The following ARFGAP3 variants were observed in gnomAD, a reference collection of about 807,000 sequenced individuals.
The protein encoded by ARFGAP3 is ARF GTPase activating protein 3.
A neutral mutation model predicts 75.0 loss-of-function variants in ARFGAP3; 72 were observed. The ratio of observed to expected loss-of-function variants is 0.96; its 90% CI spans 0.79 to 1.17. The LOEUF (loss-of-function observed/expected upper bound fraction) is 1.17. Ranked by LOEUF, ARFGAP3 falls within the 50% of genes most tolerant of loss-of-function variation. The pLI, the probability that ARFGAP3 is intolerant of heterozygous loss-of-function variation, is 0.00. For missense variants in ARFGAP3, 620 were observed against 626.6 expected (o/e 0.99, Z 0.11); for synonymous variants, 221 against 217.9 (o/e 1.01, Z -0.13).
intron 1 of ARFGAP3, among the ~76,000 whole-genome samples, chr22:42,850,237 T>G (rs1927215888): frequency 6.6e-6 from 1 of 151,992 alleles, no homozygotes; most frequent in Non-Finnish European, 1.5e-5. Context: ...ATTCCTCTAA[T>G]AGAGGTGTTT....
At chr22:42,807,216 T>A in intron 13 of ARFGAP3, 53 bp from the exon 14 acceptor site, 6 of 1,549,026 alleles carry the variant, frequency 3.9e-6, no homozygotes, top group Non-Finnish European at 5.2e-6. Context: ...GTGGGCAGTT[T>A]TGCAAAAAGA....
At chr22:42,812,344 G>C (rs1315724860) in intron 11 of ARFGAP3, among the ~76,000 whole-genome samples, 1 of 152,110 alleles carries the variant, frequency 6.6e-6, no homozygotes, top group Non-Finnish European at 1.5e-5. Context: ...AAGTTCAGAG[G>C]AGAGAGGCAG....
intron 6 of ARFGAP3, among the ~76,000 whole-genome samples, chr22:42,831,101 A>G (rs1926263090): frequency 2.0e-5 from 3 of 151,834 alleles, no homozygotes; most frequent in African/African-American, 7.3e-5. Context: ...GGAGTTCGAG[A>G]TCAGCATGGC....
chr22:42,834,440 C>T (rs1926433008), intron 4 of ARFGAP3, 115 bp from the exon 5 acceptor site: 1 of 1,494,330 alleles, frequency 6.7e-7, no homozygotes, highest in Non-Finnish European at 8.9e-7. Context: ...GCTTTCCATT[C>T]TTATAAAATC....
chr22:42,826,903 C>G (rs1926063136), intron 7 of ARFGAP3, 37 bp downstream of exon 7: 1 of 1,588,360 alleles, frequency 6.3e-7, no homozygotes, highest in African/African-American at 1.3e-5. Flanking sequence ...ATGAGTCATA[C>G]ACTTTAAATC....
chr22:42,802,433 C>T (rs1175724559), intron 14 of ARFGAP3, among the ~76,000 whole-genome samples: 1 of 150,440 alleles, frequency 6.6e-6, no homozygotes, highest in Non-Finnish European at 1.5e-5. Context: ...CTACAGGTGC[C>T]CGCCACCACG....
In ARFGAP3 at chr22:42,817,147, G is replaced by A. The variant is rs749457873; in HGVS notation, c.1059C>T (p.Ser353=). The stretch of plus-strand genomic sequence containing the variant: ...GATGATTTGTAATACAGTACCTTGA[G>A]CTGGAAGTAAAATATGAATCGTCAC... ...DDSDDSYFTS[S]SSYFDEPVEL... is the part of the protein sequence containing the mutation. The change falls in exon 11 of 16, where the codon AGC becomes AGT. Residue 353 remains serine (S), a synonymous_variant. Coordinates refer to ENST00000263245, the MANE Select transcript of ARFGAP3 (RefSeq NM_014570.5). 7 of 1,605,908 alleles carry A rather than the reference G, an allele frequency of 4.4e-6. No individual in the cohort carries two copies. In the East Asian group the frequency reaches 1.6e-4, roughly 36 times the overall value.
intron 13 of ARFGAP3, among the ~76,000 whole-genome samples, chr22:42,807,775 T>C (rs1925190680): frequency 1.3e-5 from 2 of 151,890 alleles, no homozygotes. Flanking sequence ...AAGACTTCAC[T>C]ATGATGAGTT....
chr22:42,813,682 A>G (rs1306345595), intron 11 of ARFGAP3, among the ~76,000 whole-genome samples: 1 of 152,144 alleles, frequency 6.6e-6, no homozygotes, highest in Middle Eastern at 3.2e-3. Context: ...GTCATCCACG[A>G]GAGGCTCTCT....
chr22:42,836,722 G>A (rs747808271), intron 3 of ARFGAP3, among the ~76,000 whole-genome samples: 3 of 152,154 alleles, frequency 2.0e-5, no homozygotes, highest in Non-Finnish European at 4.4e-5. Flanking sequence ...AACTGATAAT[G>A]ATATTGGTCA....
chr22:42,837,763 G>A (rs549823365), intron 3 of ARFGAP3, among the ~76,000 whole-genome samples: 79 of 129,984 alleles, frequency 6.1e-4, no homozygotes, highest in South Asian at 2.2e-3. Flanking sequence ...TCACTGTAGC[G>A]CCAACCCCCT....
At chr22:42,819,331 A>G (rs1349035096) in intron 9 of ARFGAP3, among the ~76,000 whole-genome samples, 3 of 152,226 alleles carry the variant, frequency 2.0e-5, no homozygotes, top group Non-Finnish European at 4.4e-5. Context: ...TAATTACAGC[A>G]ACAGATTCTT....
At chr22:42,834,435 C>T in intron 4 of ARFGAP3, 110 bp from the exon 5 acceptor site, 1 of 1,502,566 alleles carries the variant, frequency 6.7e-7, no homozygotes, top group Non-Finnish European at 8.9e-7. Context: ...TTGGTGCTTT[C>T]CATTCTTATA....
intron 2 of ARFGAP3, 49 bp downstream of exon 2, chr22:42,847,465 C>T: frequency 6.7e-7 from 1 of 1,494,320 alleles, no homozygotes; most frequent in Non-Finnish European, 9.3e-7. Flanking sequence ...AAAAAACACC[C>T]ATGTAACAAT....
intron 2 of ARFGAP3, among the ~76,000 whole-genome samples, chr22:42,844,208 GTT>G (rs574261001): frequency 1.0e-3 from 66 of 65,506 alleles, no homozygotes; most frequent in African/African-American, 2.2e-3. Flanking sequence ...GGTGGTGGTT[GTT>G]GTTGTTTTTT....
chr22:42,847,729 C>G lies in ARFGAP3; in HGVS notation c.70-97G>C, dbSNP rs1166452519. On this transcript the variant is annotated intron_variant, in intron 1 of 15. Transcript: ENST00000263245. Reference sequence around the variant, plus strand: ...TGACTTAGCTTGAAAACTGTTTAACCTTTACAATGTAAACTTTGGGATTGT... The same window carrying G: ...TGACTTAGCTTGAAAACTGTTTAACGTTTACAATGTAAACTTTGGGATTGT... 5.0e-6 allele frequency: 7 copies of G among 1,413,390 alleles called. No individual in the cohort carries two copies. In the East Asian group the frequency reaches 1.9e-4, roughly 38 times the overall value. 87.6% of individuals were successfully genotyped at this position (1,413,390 alleles called of 1,614,324 possible).
In ARFGAP3 at chr22:42,834,694, G is replaced by A. The variant is rs1926443858; in HGVS notation, c.394-369C>T. 2.6e-5 allele frequency among the ~76,000 whole-genome samples: 4 copies of A among 152,250 alleles called. No homozygotes were observed. In the South Asian group the frequency reaches 8.3e-4, roughly 32 times the overall value. ...TACGTTTAACCCAAAATTAGTCCTC[G>A]TGGTGTTTTCAGTCATTTGGAGAAT... On this transcript the variant is annotated intron_variant, in intron 4 of 15. Transcript: ENST00000263245.
At chr22:42,823,294 G>A (rs1453744600) in intron 8 of ARFGAP3, among the ~76,000 whole-genome samples, 1 of 151,980 alleles carries the variant, frequency 6.6e-6, no homozygotes, top group Non-Finnish European at 1.5e-5. Flanking sequence ...TCCAGAGCTG[G>A]TGCTCCGCAA....
intron 6 of ARFGAP3, among the ~76,000 whole-genome samples, chr22:42,829,840 A>C (rs771051702): frequency 1.3e-5 from 2 of 152,230 alleles, no homozygotes; most frequent in Non-Finnish European, 2.9e-5. Flanking sequence ...TTTTCATGTA[A>C]ATCTTTGAAC....
Sources: gnomAD v4.1 joint callset for allele counts (sites outside exome capture counted in the v4.1 genomes callset) on GRCh38, gnomAD v4.1.1 for gene constraint, MANE v1.5 for transcripts, NCBI Gene and HGNC (gene_info 2026-07-23, HGNC 2026-07-21) for gene names.